SOX6: variants seen among roughly 807,000 people sequenced by gnomAD.
SOX6 encodes the protein SRY-box transcription factor 6.
A neutral mutation model predicts 97.8 loss-of-function variants in SOX6; 11 were observed. The ratio of observed to expected loss-of-function variants is 0.11; its 90% CI spans 0.07 to 0.19. SOX6 has a LOEUF of 0.19. SOX6 is among the 10% of genes least tolerant of loss of function. The probability of loss-of-function intolerance (pLI) is 1.00; values close to 1 mark genes in which losing one functional copy is unlikely to be tolerated. For missense variants in SOX6, 810 were observed against 1,039.5 expected (o/e 0.78, Z 3.04); for synonymous variants, 360 against 371.4 (o/e 0.97, Z 0.35).
intron 4 of SOX6, among the ~76,000 whole-genome samples, chr11:16,548,151 G>A (rs1374779189): frequency 6.6e-6 from 1 of 152,100 alleles, no homozygotes; most frequent in Non-Finnish European, 1.5e-5. Flanking sequence ...AATTAAAACT[G>A]CCAATTTAGA....
chr11:16,606,167 C>G (rs2133980069), intron 4 of SOX6, among the ~76,000 whole-genome samples: 1 of 152,030 alleles, frequency 6.6e-6, no homozygotes, highest in Middle Eastern at 3.4e-3. Context: ...CTAGGGCTCT[C>G]CCGGGGTAGG....
intron 1 of SOX6, among the ~76,000 whole-genome samples, chr11:16,736,889 C>T (rs1203865057): frequency 2.0e-5 from 3 of 152,176 alleles, no homozygotes; most frequent in East Asian, 1.9e-4. Context: ...TACCACAGAA[C>T]CATTAAGATG....
intron 4 of SOX6, among the ~76,000 whole-genome samples, chr11:16,592,956 G>T (rs1177871449): frequency 6.6e-6 from 1 of 151,664 alleles, no homozygotes; most frequent in Non-Finnish European, 1.5e-5. Flanking sequence ...GAGAAAATAA[G>T]GTGCCTTGAG....
At chr11:16,129,125 C>T (rs1234357907) in intron 6 of SOX6, among the ~76,000 whole-genome samples, 1 of 151,732 alleles carries the variant, frequency 6.6e-6, no homozygotes, top group Non-Finnish European at 1.5e-5. Flanking sequence ...ACCTTGGCCT[C>T]CCAAAGTGCT....
chr11:16,213,753 T>G (rs1319222868), intron 4 of SOX6, among the ~76,000 whole-genome samples: 1 of 152,208 alleles, frequency 6.6e-6, no homozygotes. Context: ...TCTGTATTTC[T>G]TGCAACAATA....
intron 1 of SOX6, among the ~76,000 whole-genome samples, chr11:16,467,254 A>AAATACC (rs1234738069): frequency 6.6e-6 from 1 of 152,214 alleles, no homozygotes; most frequent in Non-Finnish European, 1.5e-5. Flanking sequence ...CTAAAGACAG[A>AAATACC]AATACCATGC....
chr11:16,052,960 T>C (rs114109139), intron 10 of SOX6, among the ~76,000 whole-genome samples: 291 of 152,268 alleles, frequency 1.9e-3, no homozygotes, highest in African/African-American at 6.7e-3. Flanking sequence ...TTACCTCAGG[T>C]TGTTTCTCAC....
At chr11:16,536,615 G>A (rs562434885) in intron 4 of SOX6, among the ~76,000 whole-genome samples, 20 of 152,194 alleles carry the variant, frequency 1.3e-4, no homozygotes, top group Non-Finnish European at 2.6e-4. Flanking sequence ...TGTGCTTTTC[G>A]ACAATCTTAG....
chr11:16,306,110 T>G (rs532157472), intron 3 of SOX6, among the ~76,000 whole-genome samples: 5 of 152,282 alleles, frequency 3.3e-5, no homozygotes, highest in Non-Finnish European at 7.3e-5. Context: ...CTGAGTACAA[T>G]AATGTAGTAC....
chr11:16,132,505 A>AGAAAGC (rs1554934088), intron 6 of SOX6, among the ~76,000 whole-genome samples: 1 of 86,152 alleles, frequency 1.2e-5, no homozygotes, highest in Non-Finnish European at 2.6e-5. Flanking sequence ...AGAAAGAAAG[A>AGAAAGC]AAGCTTATCT....
intron 4 of SOX6, among the ~76,000 whole-genome samples, chr11:16,577,522 A>G (rs576060772): frequency 1.3e-5 from 2 of 152,270 alleles, no homozygotes; most frequent in Admixed American, 1.3e-4. Flanking sequence ...GCACCATTTT[A>G]TATTCTCATG....
intron 10 of SOX6, among the ~76,000 whole-genome samples, chr11:16,051,495 G>A (rs1246375993): frequency 6.6e-6 from 1 of 152,034 alleles, no homozygotes; most frequent in African/African-American, 2.4e-5. Flanking sequence ...CACATACGTT[G>A]CAATGTACGT....
chr11:16,562,512 C>T (rs554439517), intron 4 of SOX6, among the ~76,000 whole-genome samples: 1 of 152,250 alleles, frequency 6.6e-6, no homozygotes, highest in African/African-American at 2.4e-5. Context: ...TCCAGATAAA[C>T]ACTGGAGAAA....
intron 9 of SOX6, among the ~76,000 whole-genome samples, chr11:16,078,489 A>G (rs1848405434): frequency 6.6e-6 from 1 of 152,184 alleles, no homozygotes; most frequent in African/African-American, 2.4e-5. Context: ...CAATTTACCA[A>G]TATTTGAATG....
intron 3 of SOX6, among the ~76,000 whole-genome samples, chr11:16,657,208 T>G (rs1374310313): frequency 1.3e-5 from 2 of 152,244 alleles, no homozygotes; most frequent in Admixed American, 1.3e-4. Context: ...GTTGGAATCA[T>G]AAAGTCTTTG....
chr11:16,110,861 C>T (rs1849212136), intron 7 of SOX6, among the ~76,000 whole-genome samples: 1 of 152,122 alleles, frequency 6.6e-6, no homozygotes, highest in East Asian at 1.9e-4. Context: ...ATTAAAACGC[C>T]TTTGTTCACT....
At chr11:16,258,856 TATATATACAC>T (rs1409619276) in intron 3 of SOX6, among the ~76,000 whole-genome samples, 1 of 151,312 alleles carries the variant, frequency 6.6e-6, no homozygotes, top group African/African-American at 2.4e-5. Flanking sequence ...TATATATACA[TATATATACAC>T]ACATTATATA....
chr11:16,500,130 T>A (rs1431468253), intron 4 of SOX6, among the ~76,000 whole-genome samples: 1 of 152,192 alleles, frequency 6.6e-6, no homozygotes, highest in Non-Finnish European at 1.5e-5. Context: ...GTGGGCTTCA[T>A]CCCTGGGATG....
intron 1 of SOX6, among the ~76,000 whole-genome samples, chr11:16,471,145 A>G (rs773072406): frequency 4.0e-4 from 61 of 152,058 alleles, no homozygotes; most frequent in Non-Finnish European, 5.9e-4. Context: ...GGTCAGAATT[A>G]CATAATTATT....
Sources: gnomAD v4.1 joint callset for allele counts (sites outside exome capture counted in the v4.1 genomes callset) on GRCh38, gnomAD v4.1.1 for gene constraint, MANE v1.5 for transcripts, NCBI Gene and HGNC (gene_info 2026-07-23, HGNC 2026-07-21) for gene names.